Variants in MELTF observed in about 807,000 individuals in gnomAD.
MELTF encodes melanotransferrin, also known as antigen p97 (melanoma associated) identified by monoclonal antibodies 133.2 and 96.5.
Under a neutral mutation model 83.7 loss-of-function variants are expected in MELTF, and 67 were observed. The observed-to-expected ratio is 0.80, with a 90% CI of 0.66 to 0.98. The LOEUF (loss-of-function observed/expected upper bound fraction) is 0.98, where lower values mean the gene tolerates loss of function less well. MELTF is among the 50% of genes least tolerant of loss of function. The pLI, the probability that MELTF is intolerant of heterozygous loss-of-function variation, is 0.00. For missense variants in MELTF, 1,002 were observed against 1,035.6 expected (o/e 0.97, Z 0.44); for synonymous variants, 462 against 447.6 (o/e 1.03, Z -0.41).
intron 3 of MELTF, 23 bp downstream of exon 3, chr3:197,026,637 C>T: frequency 1.2e-6 from 2 of 1,606,178 alleles, no homozygotes; most frequent in Non-Finnish European, 1.7e-6. Context: ...GCTGTCCTCT[C>T]TCCTCCCACT....
At position 197,028,024 on chromosome 3, in the gene MELTF, C is replaced by T. The variant is rs1050200167; in HGVS notation, c.50-114G>A. ...CCCATTCGCCTGGACAGCCAGTCCT[C>T]TAGGGCAGCCCTGCCCTCCCACAGG... On this transcript the variant is annotated intron_variant, in intron 1 of 15. Transcript: ENST00000296350. 6.3e-6 allele frequency: 8 copies of T among 1,270,342 alleles called. No individual in the cohort carries two copies. The East Asian group carries it at 2.1e-4, about 33-fold the overall frequency. The allele number at this position is 1,270,342 out of a possible 1,614,324, so 78.7% of individuals were successfully genotyped here.
rs200029027 is a variant in MELTF at position 197,021,475 on chromosome 3, C to T, written c.645-4G>A. On this transcript the variant is annotated splice_region_variant and splice_polypyrimidine_tract_variant and intron_variant, in intron 5 of 15. Coordinates refer to ENST00000296350, the MANE Select transcript of MELTF (RefSeq NM_005929.6). ...CCCTGCCCCTTCCGCCAGGCACCTG[C>T]GGAGGAGAAGCTGTGGGTCTGGATG... 3.8e-5 allele frequency: 61 copies of T among 1,613,512 alleles called. No homozygotes were observed. In the East Asian group the frequency reaches 4.0e-4, roughly 11 times the overall value.
rs748479529 is a variant in MELTF at position 197,023,007 on chromosome 3, C to T, written c.594G>A (p.Val198=). The T allele has an allele frequency of 3.1e-6, 5 of 1,613,526 alleles. No individual in the cohort carries two copies. The highest frequency in any genetic ancestry group is 1.7e-4 in the Middle Eastern group (1 of 5,978). Residue 198 remains valine (V), a synonymous_variant, in exon 5 of 16, where the codon GTG becomes GTA. Coordinates refer to ENST00000296350, the MANE Select transcript of MELTF (RefSeq NM_005929.6). Reference sequence around the variant, plus strand: ...ATCTCTCCAGGGGGCTCTTGTCACACACCCCTTCCCCAGAGCTGTCACCCC... The same window carrying T: ...ATCTCTCCAGGGGGCTCTTGTCACATACCCCTTCCCCAGAGCTGTCACCCC... The part of the protein sequence containing the change: ...LCRGDSSGEG[V]CDKSPLERYY...
chr3:197,017,380 G>T, intron 6 of MELTF, 90 bp from the exon 7 acceptor site: 1 of 1,243,036 alleles, frequency 8.0e-7, no homozygotes, highest in Non-Finnish European at 1.1e-6. Context: ...CTGAGGGGTG[G>T]CTGGGTGTCA....
intron 5 of MELTF, among the ~76,000 whole-genome samples, chr3:197,021,994 C>A (rs901335844): frequency 6.6e-6 from 1 of 152,152 alleles, no homozygotes; most frequent in Non-Finnish European, 1.5e-5. Flanking sequence ...GCTGGGGTGA[C>A]AGGTGTGTGC....
rs768611749 is a variant in MELTF at position 197,015,507 on chromosome 3, G to T, written c.1091C>A (p.Pro364His). ...GLLCDPNRLP[P>H]YLRWCVLSTP... ...GGAGAGCACACACCAGCGCAGGTAG[G>T]GGGGCAGCCCTGGGGTGGGGCAAGC... is the stretch of plus-strand genomic sequence containing the variant. Residue 364 changes from proline to histidine, a missense_variant, in exon 9 of 16, where the codon CCC (proline) becomes CAC (histidine). Physicochemically the swap from Pro to His is moderately conservative, Grantham distance 77. Coordinates refer to ENST00000296350, the MANE Select transcript of MELTF (RefSeq NM_005929.6). 9 of 1,610,704 alleles carry T rather than the reference G, an allele frequency of 5.6e-6. No homozygotes were observed. Among genetic ancestry groups the T allele is most frequent in the Non-Finnish European group, 7.6e-6 (9 of 1,178,724 alleles).
In MELTF at chr3:197,016,130, C is replaced by T. The variant is rs191831393; in HGVS notation, c.1081+59G>A. On this transcript the variant is annotated intron_variant, in intron 8 of 15. Transcript: ENST00000296350. ...CCCCGGCCACTTTCCCAGAGAGCCT[C>T]GCCATGCCCGAGGTTGAGCTGGGCT... is the stretch of plus-strand genomic sequence containing the variant. 929 of 1,411,594 alleles carry T rather than the reference C, an allele frequency of 6.6e-4. 11 individuals are homozygous for T. The East Asian group carries it at 0.022, about 33-fold the overall frequency. 87.4% of individuals were successfully genotyped at this position (1,411,594 alleles called of 1,614,324 possible).
chr3:197,003,306 C>A lies in MELTF; in HGVS notation c.*66G>T. ...GCCTTCGCGAGCTTCCTTCTGGATTCCAGCGCGAAGCCGCCGCGGAAACTC... is the reference window on the plus strand; with the variant it reads ...GCCTTCGCGAGCTTCCTTCTGGATTACAGCGCGAAGCCGCCGCGGAAACTC... On this transcript the variant is annotated 3_prime_UTR_variant, in exon 16 of 16. Coordinates refer to ENST00000296350, the MANE Select transcript of MELTF (RefSeq NM_005929.6). The surrounding 1 kb of genome is among the most constrained non-coding windows in gnomAD (Gnocchi z 6.2). 9.7e-7 allele frequency: 1 copy of A among 1,030,684 alleles called. No homozygotes were observed. Among genetic ancestry groups the A allele is most frequent in the Non-Finnish European group, 1.2e-6 (1 of 861,862 alleles). The allele number at this position is 1,030,684 out of a possible 1,614,324, so 63.8% of individuals were successfully genotyped here. A position where few individuals can be genotyped will look rare whatever the true frequency, so the allele number is the denominator to read the frequency against.
chr3:197,024,688 G>A lies in MELTF; in HGVS notation c.305-203C>T, dbSNP rs1719782323. On this transcript the variant is annotated intron_variant, in intron 3 of 15. Coordinates refer to ENST00000296350, the MANE Select transcript of MELTF (RefSeq NM_005929.6). The surrounding 1 kb of genome is among the most constrained non-coding windows in gnomAD (Gnocchi z 5.3). Reference sequence around the variant, plus strand: ...AAGAGGCCCTGCCCTCTAGCCTCTTGAGGTAGAGACGATCCTGAGATATTG... The same window carrying A: ...AAGAGGCCCTGCCCTCTAGCCTCTTAAGGTAGAGACGATCCTGAGATATTG... 6.6e-6 allele frequency among the ~76,000 whole-genome samples: 1 copy of A among 152,226 alleles called. No individual in the cohort carries two copies. The highest frequency in any genetic ancestry group is 2.4e-5 in the African/African-American group (1 of 41,456).
At position 197,022,944 on chromosome 3, in the gene MELTF, C is replaced by T; in HGVS notation, c.644+13G>A. The T allele has an allele frequency of 6.2e-7, 1 of 1,601,292 alleles. No individual in the cohort carries two copies. The highest frequency in any genetic ancestry group is 8.5e-7 in the Non-Finnish European group (1 of 1,174,658). The stretch of plus-strand genomic sequence containing the variant: ...CCCTGCCCTCGGCCCCTCCCTGCCC[C>T]CACTCCGCTCACCGGAAGGCCCCGC... On this transcript the variant is annotated intron_variant, in intron 5 of 15. Transcript: ENST00000296350. The surrounding 1 kb of genome is among the most constrained non-coding windows in gnomAD (Gnocchi z 5.1).
chr3:197,024,511 G>GGCAGCAGGGAGAGGCCTCGAGAGAGGCT lies in MELTF; in HGVS notation c.305-54_305-27dup, dbSNP rs1350912431. ...CTAGGAGGGGAGGGGAGTGGGTGAG[G>GGCAGCAGGGAGAGGCCTCGAGAGAGGCT]GCAGCAGGGAGAGGCCTCGAGAGAG... is the stretch of plus-strand genomic sequence containing the variant. On this transcript the variant is annotated intron_variant, in intron 3 of 15. Coordinates refer to ENST00000296350, the MANE Select transcript of MELTF (RefSeq NM_005929.6). This position sits in a 1 kb window ranked among gnomAD's most constrained non-coding sequence, Gnocchi z 5.3. The GGCAGCAGGGAGAGGCCTCGAGAGAGGCT allele has an allele frequency of 6.5e-7, 1 of 1,547,658 alleles. No individual in the cohort carries two copies.
chr3:197,009,843 C>T (rs1213198617), intron 10 of MELTF, 31 bp from the exon 11 acceptor site: 21 of 1,593,832 alleles, frequency 1.3e-5, no homozygotes, highest in Non-Finnish European at 1.8e-5. Context: ...GTGAGGGGCC[C>T]CTCATCTGAG....
rs1330182540 is a variant in MELTF, at chr3:197,010,735, C to T, written c.1293G>A (p.Thr431=). The change falls in exon 10 of 16, where the codon ACG becomes ACA. Residue 431 remains threonine, a synonymous_variant. Transcript: ENST00000296350. ...SGEDIYTAGK[T]YGLVPAAGEH... is the part of the protein sequence containing the mutation. ...CCCCGGCTGCGGGAACCAGGCCGTA[C>T]GTCTTCCCCGCCGTGTAAATGTCCT... 30 of 1,613,492 alleles carry T rather than the reference C, an allele frequency of 1.9e-5. No individual in the cohort carries two copies. The highest frequency in any genetic ancestry group is 1.6e-4 in the Middle Eastern group (1 of 6,084).
chr3:197,012,649 G>A (rs1719230064), intron 9 of MELTF, among the ~76,000 whole-genome samples: 1 of 152,264 alleles, frequency 6.6e-6, no homozygotes, highest in Admixed American at 6.5e-5. Flanking sequence ...CCGGGGCTCT[G>A]GGCCGAGGCT....
chr3:197,015,489 A>C lies in MELTF; in HGVS notation c.1109T>G (p.Val370Gly). ...CTTCTGGATCTCGGGAGTGGAGAGC[A>C]CACACCAGCGCAGGTAGGGGGGCAG... ...NRLPPYLRWCVLSTPEIQKCG... is the reference protein window; with the variant it reads ...NRLPPYLRWCGLSTPEIQKCG... The change falls in exon 9 of 16, where the codon GTG becomes GGG. Residue 370 changes from valine (V) to glycine (G), a missense_variant. Val to Gly is a moderately radical substitution (Grantham distance 109). Transcript: ENST00000296350. The C allele has an allele frequency of 6.2e-7, 1 of 1,612,086 alleles. No individual in the cohort carries two copies. The highest frequency in any genetic ancestry group is 8.5e-7 in the Non-Finnish European group (1 of 1,179,472).
In MELTF at chr3:197,018,985, CAAG is replaced by C. The variant is rs1008996396; in HGVS notation, c.713-1698_713-1696del. 52 of 984,836 alleles carry C rather than the reference CAAG, an allele frequency of 5.3e-5. No homozygotes were observed. The African/African-American group carries it at 8.6e-4, about 16-fold the overall frequency. The allele number at this position is 984,836 out of a possible 1,614,324, so 61.0% of individuals were successfully genotyped here. ...TAACAATATTTTTATGACCTTAAGA[CAAG>C]GAGGAAAAAAACCTCTACAAGGAAA... is the stretch of plus-strand genomic sequence containing the variant. On this transcript the variant is annotated intron_variant, in intron 6 of 15. Transcript: ENST00000296350.
At position 197,024,603 on chromosome 3, in the gene MELTF, C is replaced by G. The variant is rs2280296; in HGVS notation, c.305-118G>C. 7.7e-6 allele frequency: 6 copies of G among 782,516 alleles called. No individual in the cohort carries two copies. The Middle Eastern group carries it at 1.2e-3, about 158-fold the overall frequency. The allele number at this position is 782,516 out of a possible 1,614,324, so 48.5% of individuals were successfully genotyped here. A position where few individuals can be genotyped will look rare whatever the true frequency, so the allele number is the denominator to read the frequency against. On this transcript the variant is annotated intron_variant, in intron 3 of 15. Transcript: ENST00000296350. The surrounding 1 kb of genome is among the most constrained non-coding windows in gnomAD (Gnocchi z 5.3). ...TGTGCACGGAGCACGGCTGTACACA[C>G]GGATGTGTGCATAGCGTTCTCGTTA...
At chr3:197,016,977 G>A (rs1036053019) in intron 7 of MELTF, 126 bp downstream of exon 7, 20 of 1,089,972 alleles carry the variant, frequency 1.8e-5, no homozygotes, top group African/African-American at 3.2e-5. Flanking sequence ...GACCTGGCCC[G>A]ATGCTGGGGT....
intron 11 of MELTF, among the ~76,000 whole-genome samples, chr3:197,009,179 C>T (rs116484674): frequency 0.032 from 4,872 of 152,248 alleles, 147 homozygotes; most frequent in African/African-American, 0.072. Flanking sequence ...ATCTCCATCA[C>T]CAAACATCAC....
Sources: gnomAD v4.1 joint callset for allele counts (sites outside exome capture counted in the v4.1 genomes callset) on GRCh38, gnomAD v4.1.1 for gene constraint, Gnocchi (gnomAD v3.1) non-coding constraint, MANE v1.5 for transcripts, NCBI Gene and HGNC (gene_info 2026-07-23, HGNC 2026-07-21) for gene names.